The following ATP10B variants were observed in gnomAD, a reference collection of about 807,000 sequenced individuals.
ATP10B encodes ATPase phospholipid transporting 10B (putative), also known as phospholipid-transporting ATPase VB.
Under a neutral mutation model 141.2 loss-of-function variants are expected in ATP10B, and 122 were observed. That is an observed-to-expected ratio of 0.86 (90% CI 0.75 to 1.00). The LOEUF (loss-of-function observed/expected upper bound fraction) is 1.00. Ranked by LOEUF, ATP10B falls within the 50% of genes least tolerant of loss-of-function variation. The probability of loss-of-function intolerance (pLI) is 0.00; values close to 1 mark genes in which losing one functional copy is unlikely to be tolerated. For synonymous variants in ATP10B, 685 were observed against 692.0 expected, an observed-to-expected ratio of 0.99 and a Z score of 0.16; for missense variants, 1,876 against 1,825.3, an observed-to-expected ratio of 1.03 and a Z score of -0.51.
At chr5:160,650,260 G>C (rs1760634920) in intron 7 of ATP10B, among the ~76,000 whole-genome samples, 1 of 151,498 alleles carries the variant, frequency 6.6e-6, no homozygotes, top group Non-Finnish European at 1.5e-5. Context: ...ATATATTTGT[G>C]TAGGTATATA....
At chr5:160,605,626 A>T (rs1046654877) in intron 19 of ATP10B, among the ~76,000 whole-genome samples, 1 of 152,296 alleles carries the variant, frequency 6.6e-6, no homozygotes, top group Non-Finnish European at 1.5e-5. Context: ...CACTCTTGTT[A>T]TTCTCTACTG....
the ATP10B span, among the ~76,000 whole-genome samples, chr5:160,919,636 T>C: frequency 6.6e-6 from 1 of 152,344 alleles, no homozygotes; most frequent in Middle Eastern, 3.4e-3. Flanking sequence ...GGAAGGAGGA[T>C]ATCTATTCTC....
intron 2 of ATP10B, among the ~76,000 whole-genome samples, chr5:160,748,539 T>G (rs1226186252): frequency 6.6e-6 from 1 of 152,206 alleles, no homozygotes; most frequent in African/African-American, 2.4e-5. Context: ...TTCTCCTGCC[T>G]CCTGCTCTCG....
intron 2 of ATP10B, among the ~76,000 whole-genome samples, chr5:160,736,773 GTCTACTAGTAAA>G: frequency 6.6e-6 from 1 of 152,110 alleles, no homozygotes. Context: ...AGAAAAAAAA[GTCTACTAGTAAA>G]GAAAAGCCTG....
the ATP10B span, among the ~76,000 whole-genome samples, chr5:160,885,856 C>G: frequency 1.3e-5 from 2 of 152,168 alleles, no homozygotes; most frequent in East Asian, 3.8e-4. Flanking sequence ...TTTTGCATTT[C>G]CTACTTTGTG....
At chr5:160,762,651 G>GA (rs151199059) in intron 2 of ATP10B, among the ~76,000 whole-genome samples, 10,956 of 149,804 alleles carry the variant, frequency 0.073, 369 homozygotes, top group Middle Eastern at 0.1. Context: ...ATGACATAAT[G>GA]AAAAAAAAAC....
At chr5:160,632,620 G>GTT (rs34556097) in intron 12 of ATP10B, 28 of 128,598 alleles carry the variant, frequency 2.2e-4, no homozygotes, top group Middle Eastern at 3.7e-3. Flanking sequence ...TTCCTCAGAG[G>GTT]TTTTTTTTTT....
intron 1 of ATP10B, among the ~76,000 whole-genome samples, chr5:160,824,907 T>A (rs1417168458): frequency 6.6e-6 from 1 of 152,196 alleles, no homozygotes; most frequent in Non-Finnish European, 1.5e-5. Context: ...GCAAGCCACC[T>A]TCTCTCCCTG....
intron 21 of ATP10B, among the ~76,000 whole-genome samples, chr5:160,601,583 T>C (rs1478447082): frequency 1.3e-5 from 2 of 152,258 alleles, no homozygotes; most frequent in Non-Finnish European, 2.9e-5. Flanking sequence ...CTTTAGGCCC[T>C]CATCAACAAG....
At chr5:160,678,846 G>A (rs1433502137) in intron 6 of ATP10B, among the ~76,000 whole-genome samples, 3 of 152,168 alleles carry the variant, frequency 2.0e-5, no homozygotes, top group South Asian at 2.1e-4. Context: ...GTAAATGGCA[G>A]CTCTGAGAAA....
At chr5:160,830,453 T>C (rs1442075202) in intron 1 of ATP10B, among the ~76,000 whole-genome samples, 2 of 152,094 alleles carry the variant, frequency 1.3e-5, no homozygotes, top group Non-Finnish European at 2.9e-5. Flanking sequence ...TGGCAAATTG[T>C]AATAGTGACA....
intron 24 of ATP10B, 22 bp from the exon 25 acceptor site, chr5:160,569,705 C>T: frequency 6.5e-7 from 1 of 1,528,498 alleles, no homozygotes; most frequent in South Asian, 1.3e-5. Context: ...AATAAGCAAA[C>T]ACTGTTGAAG....
At chr5:160,632,500 G>T (rs1267024350) in intron 12 of ATP10B, 133 bp from the exon 13 acceptor site, 3 of 782,688 alleles carry the variant, frequency 3.8e-6, no homozygotes, top group Non-Finnish European at 4.2e-6. Flanking sequence ...TGGCATCTGG[G>T]CTACCAAGAC....
At chr5:160,876,732 T>G in the ATP10B span, among the ~76,000 whole-genome samples, 1 of 151,500 alleles carries the variant, frequency 6.6e-6, no homozygotes, top group Non-Finnish European at 1.5e-5. Flanking sequence ...AAATACAAAC[T>G]ACCATCAGAG....
chr5:160,812,729 TAAA>T (rs80322560), intron 1 of ATP10B, among the ~76,000 whole-genome samples: 50,223 of 151,504 alleles, frequency 0.33, 9,459 homozygotes, highest in East Asian at 0.44. Flanking sequence ...AAAAAAAGAA[TAAA>T]AAAGAATAAA....
At chr5:160,714,787 G>T (rs1028794248) in intron 3 of ATP10B, among the ~76,000 whole-genome samples, 3 of 141,654 alleles carry the variant, frequency 2.1e-5, no homozygotes, top group African/African-American at 8.1e-5. Context: ...GTACAGATGG[G>T]TTTTCGGTGT....
At chr5:160,868,807 T>C in the ATP10B span, among the ~76,000 whole-genome samples, 1 of 152,150 alleles carries the variant, frequency 6.6e-6, no homozygotes, top group Non-Finnish European at 1.5e-5. Context: ...ATTATACTTA[T>C]GCAGATTAAG....
intron 7 of ATP10B, among the ~76,000 whole-genome samples, chr5:160,666,799 C>A (rs1335590566): frequency 6.6e-6 from 1 of 152,206 alleles, no homozygotes; most frequent in Non-Finnish European, 1.5e-5. Flanking sequence ...ATTATCCCTG[C>A]CACCCTCTAT....
At chr5:160,659,511 T>C (rs1761761404) in intron 7 of ATP10B, among the ~76,000 whole-genome samples, 1 of 151,864 alleles carries the variant, frequency 6.6e-6, no homozygotes, top group Non-Finnish European at 1.5e-5. Flanking sequence ...ACAAACAAAA[T>C]TTCATCTTTC....
Sources: allele counts gnomAD v4.1 joint callset (sites outside exome capture counted in the v4.1 genomes callset), GRCh38; gene constraint gnomAD v4.1.1; transcripts MANE v1.5; gene names NCBI Gene and HGNC (gene_info 2026-07-23, HGNC 2026-07-21).